The following SLCO5A1 variants were observed in gnomAD, a reference collection of about 807,000 sequenced individuals.
SLCO5A1 encodes the protein organic anion transporter polypeptide-related protein 4.
In SLCO5A1, 39 loss-of-function variants were observed where a neutral mutation model predicts 65.1. The ratio of observed to expected loss-of-function variants is 0.60; its 90% confidence interval spans 0.46 to 0.78. The LOEUF is 0.78. Among genes scored for constraint, SLCO5A1 ranks in the 30% least tolerant of loss-of-function variants. SLCO5A1 has a pLI of 0.00. For synonymous variants in SLCO5A1, 438 were observed against 415.7 expected (o/e 1.05, Z -0.65); for missense variants, 1,029 against 1,069.4 (o/e 0.96, Z 0.53).
Position 69,744,816 on chromosome 8 carries a change from C to T in SLCO5A1, c.1259-6612G>A, listed in dbSNP as rs569881522. On this transcript the variant is annotated intron_variant, in intron 4 of 9. Transcript: ENST00000260126. ...TTCCTCCTGGGGAGCAGGTTAAGAG[C>T]TAAGAAAGCATAAGTCATAAGATGA... 2.0e-5 allele frequency among the ~76,000 whole-genome samples: 3 copies of T among 152,252 alleles called. No homozygotes were observed. The South Asian group carries it at 6.2e-4, about 32-fold the overall frequency.
At chr8:69,772,620 A>AAAGGGAAGGGAAGGG (rs1818375255) in intron 2 of SLCO5A1, among the ~76,000 whole-genome samples, 5 of 149,362 alleles carry the variant, frequency 3.3e-5, no homozygotes, top group African/African-American at 1.2e-4. Flanking sequence ...AAAGGAAAGG[A>AAAGGGAAGGGAAGGG]AAGGAAAGGA....
At chr8:69,809,679 T>G (rs988776778) in intron 2 of SLCO5A1, among the ~76,000 whole-genome samples, 10 of 152,084 alleles carry the variant, frequency 6.6e-5, no homozygotes, top group Non-Finnish European at 8.8e-5. Flanking sequence ...TTATGATTAT[T>G]ATTATTATGC....
At chr8:69,807,769 T>A (rs1314132257) in intron 2 of SLCO5A1, among the ~76,000 whole-genome samples, 1 of 152,256 alleles carries the variant, frequency 6.6e-6, no homozygotes, top group Non-Finnish European at 1.5e-5. Flanking sequence ...AGTGGTGCGA[T>A]CTCGGCTCAC....
At chr8:69,783,443 C>T (rs557887092) in intron 2 of SLCO5A1, among the ~76,000 whole-genome samples, 2 of 151,778 alleles carry the variant, frequency 1.3e-5, no homozygotes, top group African/African-American at 4.8e-5. Flanking sequence ...ATATATACAC[C>T]TACTCTGTAC....
rs1563708268 is a variant in SLCO5A1, at chr8:69,762,190, CTTTCTTTCTTT to C, written c.908-326_908-316del. ...TCTTTCTTTCTTTCTTTCTTTCTTT[CTTTCTTTCTTT>C]TTTGAGACAGAGTCTTGCTCTGTCA... On this transcript the variant is annotated intron_variant, in intron 2 of 9. Transcript: ENST00000260126. Among the ~76,000 whole-genome samples the C allele has an allele frequency of 1.6e-3, 98 of 59,598 alleles. 1 individual carries two copies. The highest frequency in any genetic ancestry group is 6.4e-3 in the African/African-American group (85 of 13,194). 39.1% of individuals were successfully genotyped at this position (59,598 alleles called of 152,430 possible).
At chr8:69,808,113 T>C (rs912739493) in intron 2 of SLCO5A1, among the ~76,000 whole-genome samples, 22 of 152,120 alleles carry the variant, frequency 1.4e-4, no homozygotes, top group African/African-American at 4.8e-4. Context: ...TTTCCATGTC[T>C]TGGCTATTGT....
chr8:69,790,733 A>C (rs1819231173), intron 2 of SLCO5A1, among the ~76,000 whole-genome samples: 1 of 152,216 alleles, frequency 6.6e-6, no homozygotes, highest in Non-Finnish European at 1.5e-5. Context: ...TTTAAACTAC[A>C]ATGAACAAGA....
At chr8:69,773,039 G>T in intron 2 of SLCO5A1, 1 of 855,474 alleles carries the variant, frequency 1.2e-6, no homozygotes, top group Non-Finnish European at 1.4e-6. Context: ...CTTCATGGAT[G>T]CTAGACACTA....
intron 2 of SLCO5A1, among the ~76,000 whole-genome samples, chr8:69,810,826 T>C (rs542635512): frequency 8.3e-4 from 127 of 152,310 alleles, no homozygotes; most frequent in African/African-American, 2.8e-3. Flanking sequence ...TTGGGTCACA[T>C]TTCTGGAAGA....
intron 2 of SLCO5A1, among the ~76,000 whole-genome samples, chr8:69,795,655 A>T (rs1006721207): frequency 6.6e-6 from 1 of 152,138 alleles, no homozygotes; most frequent in African/African-American, 2.4e-5. Context: ...ATGACAGTGG[A>T]TCCACTATTC....
chr8:69,753,461 A>G (rs1817409206), intron 4 of SLCO5A1, among the ~76,000 whole-genome samples: 1 of 152,208 alleles, frequency 6.6e-6, no homozygotes, highest in South Asian at 2.1e-4. Context: ...CCATGAAAAC[A>G]GTAGGGTCCA....
intron 6 of SLCO5A1, among the ~76,000 whole-genome samples, chr8:69,694,362 T>C (rs985632566): frequency 1.3e-5 from 2 of 152,200 alleles, no homozygotes; most frequent in Non-Finnish European, 2.9e-5. Context: ...ATAAGACATG[T>C]GTAAGTGCCA....
intron 2 of SLCO5A1, among the ~76,000 whole-genome samples, chr8:69,830,382 G>A (rs907571179): frequency 3.9e-5 from 6 of 151,962 alleles, no homozygotes; most frequent in African/African-American, 1.5e-4. Context: ...TTTAAGAGAT[G>A]GGGTCTCACT....
intron 5 of SLCO5A1, among the ~76,000 whole-genome samples, chr8:69,712,928 G>C (rs1023591094): frequency 6.6e-6 from 1 of 152,098 alleles, no homozygotes; most frequent in Admixed American, 6.5e-5. Context: ...TTTACAAATA[G>C]ATAATCTAAG....
At chr8:69,793,182 C>T (rs1201594650) in intron 2 of SLCO5A1, among the ~76,000 whole-genome samples, 1 of 152,116 alleles carries the variant, frequency 6.6e-6, no homozygotes, top group African/African-American at 2.4e-5. Context: ...CGGGGTTTCA[C>T]CATACTGGCC....
At chr8:69,728,639 T>C (rs1469137563) in intron 5 of SLCO5A1, among the ~76,000 whole-genome samples, 1 of 152,206 alleles carries the variant, frequency 6.6e-6, no homozygotes, top group Non-Finnish European at 1.5e-5. Flanking sequence ...CTGTGCTATA[T>C]GTCTTATGGT....
chr8:69,797,834 C>T (rs1563730417), intron 2 of SLCO5A1, among the ~76,000 whole-genome samples: 4 of 152,172 alleles, frequency 2.6e-5, no homozygotes, highest in South Asian at 2.1e-4. Context: ...AATTTTGCCC[C>T]GGTCCTGTGG....
chr8:69,750,352 C>T (rs928665560), intron 4 of SLCO5A1, among the ~76,000 whole-genome samples: 9 of 152,188 alleles, frequency 5.9e-5, no homozygotes, highest in Middle Eastern at 3.4e-3. Context: ...TCTACCTGTG[C>T]CCCTTCCTGA....
intron 5 of SLCO5A1, among the ~76,000 whole-genome samples, chr8:69,709,884 G>A (rs1166500046): frequency 1.3e-5 from 2 of 152,104 alleles, no homozygotes; most frequent in Non-Finnish European, 2.9e-5. Context: ...TCACTTGCAC[G>A]GTTGCATGCT....
Sources: allele counts gnomAD v4.1 joint callset (sites outside exome capture counted in the v4.1 genomes callset), GRCh38; gene constraint gnomAD v4.1.1; transcripts MANE v1.5; gene names NCBI Gene and HGNC (gene_info 2026-07-23, HGNC 2026-07-21).